NOSTRIN: variants seen among roughly 807,000 people sequenced by gnomAD.
NOSTRIN encodes the protein nitric oxide synthase trafficking.
NOSTRIN carries 63 observed loss-of-function variants against 59.0 expected under a neutral mutation model. The ratio of observed to expected loss-of-function variants is 1.07; its 90% confidence interval spans 0.87 to 1.32. The LOEUF is 1.32. Ranked by LOEUF, NOSTRIN falls within the 40% of genes most tolerant of loss-of-function variation. NOSTRIN has a pLI of 0.00. For missense variants in NOSTRIN, 512 were observed against 473.1 expected (o/e 1.08, Z -0.76); for synonymous variants, 200 against 165.4 (o/e 1.21, Z -1.61).
At chr2:168,844,995 T>A (rs1688328339) in intron 8 of NOSTRIN, among the ~76,000 whole-genome samples, 2 of 152,042 alleles carry the variant, frequency 1.3e-5, no homozygotes, top group Admixed American at 6.5e-5. Context: ...TCTCTTGCAA[T>A]TCAACCACTC....
At chr2:168,834,501 G>GCACATACACACACA (rs1425272036) in intron 7 of NOSTRIN, among the ~76,000 whole-genome samples, 176 bp downstream of exon 7, 1 of 110,682 alleles carries the variant, frequency 9.0e-6, no homozygotes, top group Non-Finnish European at 2.0e-5. Flanking sequence ...GCGCGCGCGC[G>GCACATACACACACA]CGCGCGCACA....
At chr2:168,851,020 T>G (rs763023201) in intron 8 of NOSTRIN, 64 bp from the exon 9 acceptor site, 2 of 978,514 alleles carry the variant, frequency 2.0e-6, no homozygotes, top group Non-Finnish European at 3.3e-6. Flanking sequence ...TGTCAGTGTT[T>G]GATGAGTGAC....
upstream of NOSTRIN, among the ~76,000 whole-genome samples, chr2:168,797,682 T>G (rs2105506763): frequency 6.6e-6 from 1 of 152,200 alleles, no homozygotes; most frequent in South Asian, 2.1e-4. Flanking sequence ...TTAAATTTTT[T>G]TTTTTTTTAA....
intron 10 of NOSTRIN, among the ~76,000 whole-genome samples, chr2:168,851,716 G>A (rs540965914): frequency 6.6e-6 from 1 of 152,302 alleles, no homozygotes; most frequent in East Asian, 1.9e-4. Context: ...ATCACGTGGT[G>A]CTTAAATTGG....
At position 168,838,880 on chromosome 2, in the gene NOSTRIN, C is replaced by A. The variant is rs151024220; in HGVS notation, c.505-4112C>A. Among the ~76,000 whole-genome samples the A allele has an allele frequency of 2.0e-5, 3 of 151,162 alleles. No individual in the cohort carries two copies. The East Asian group carries it at 5.9e-4, about 30-fold the overall frequency. ...TGGGCCGACTGCAACCTCTGCCTCC[C>A]AAGTTCAACAATTCTGCCTTAGCCT... On this transcript the variant is annotated intron_variant, in intron 7 of 15. Coordinates refer to ENST00000317647, the MANE Select transcript of NOSTRIN (RefSeq NM_001039724.4).
chr2:168,855,323 T>G, intron 10 of NOSTRIN, 29 bp from the exon 11 acceptor site: 1 of 1,215,090 alleles, frequency 8.2e-7, no homozygotes. Context: ...TTCTTCCCCC[T>G]TGTTAGACAT....
At chr2:168,793,972 G>A (rs750393305), upstream of NOSTRIN, among the ~76,000 whole-genome samples, 1 of 152,076 alleles carries the variant, frequency 6.6e-6, no homozygotes, top group Non-Finnish European at 1.5e-5. Context: ...ATACCTCTTT[G>A]TAATTCCCAT....
chr2:168,858,731 T>C (rs1050643885), intron 12 of NOSTRIN, among the ~76,000 whole-genome samples: 12 of 152,126 alleles, frequency 7.9e-5, no homozygotes, highest in Admixed American at 6.6e-4. Context: ...ATGTCTTCTG[T>C]CCATGGCTGT....
intron 1 of NOSTRIN, among the ~76,000 whole-genome samples, chr2:168,803,771 A>G (rs1385726050): frequency 6.6e-6 from 1 of 152,202 alleles, no homozygotes; most frequent in Non-Finnish European, 1.5e-5. Flanking sequence ...TTATATATAG[A>G]TTTTTAAGAG....
chr2:168,865,062 T>C lies in NOSTRIN; in HGVS notation c.*92T>C. 7.1e-7 allele frequency: 1 copy of C among 1,411,908 alleles called. No individual in the cohort carries two copies. Among genetic ancestry groups the C allele is most frequent in the Non-Finnish European group, 9.7e-7 (1 of 1,035,846 alleles). 87.5% of individuals were successfully genotyped at this position (1,411,908 alleles called of 1,614,324 possible). The stretch of plus-strand genomic sequence containing the variant: ...TAAAGTGCTCTTACCTTTACATGTT[T>C]TTCTTTTGAAATGGATGGAGTTCTA... On this transcript the variant is annotated 3_prime_UTR_variant, in exon 16 of 16. Coordinates refer to ENST00000317647, the MANE Select transcript of NOSTRIN (RefSeq NM_001039724.4).
chr2:168,822,608 A>G (rs1686808820), intron 2 of NOSTRIN, among the ~76,000 whole-genome samples: 1 of 152,230 alleles, frequency 6.6e-6, no homozygotes, highest in Non-Finnish European at 1.5e-5. Context: ...AAAAAGGAAA[A>G]CATAATATAA....
intron 1 of NOSTRIN, among the ~76,000 whole-genome samples, chr2:168,805,094 A>T (rs920942629): frequency 6.6e-6 from 1 of 152,220 alleles, no homozygotes; most frequent in South Asian, 2.1e-4. Context: ...TAAAAATGTT[A>T]TTCTGAATCA....
chr2:168,788,343 C>A (rs1287908852), intron 2 of NOSTRIN, among the ~76,000 whole-genome samples: 1 of 151,864 alleles, frequency 6.6e-6, no homozygotes, highest in African/African-American at 2.4e-5. Flanking sequence ...GTCCCTAAAC[C>A]TCAAATAGGA....
chr2:168,818,514 A>G (rs769329503), intron 2 of NOSTRIN, among the ~76,000 whole-genome samples: 1 of 152,198 alleles, frequency 6.6e-6, no homozygotes, highest in Non-Finnish European at 1.5e-5. Context: ...TTTGTTTTTT[A>G]AACTACTTTT....
chr2:168,798,813 C>A (rs28576793), upstream of NOSTRIN, among the ~76,000 whole-genome samples: 1,017 of 149,336 alleles, frequency 6.8e-3, 12 homozygotes, highest in African/African-American at 0.022. Context: ...ATCGATCGAT[C>A]GATAGATAGA....
At chr2:168,792,677 C>T (rs1459164080) in intron 2 of NOSTRIN, among the ~76,000 whole-genome samples, 8 of 151,966 alleles carry the variant, frequency 5.3e-5, no homozygotes, top group Non-Finnish European at 5.9e-5. Context: ...ACACAGTTTT[C>T]GCCATGTTGC....
At chr2:168,808,985 GTAT>G (rs1239903717) in intron 1 of NOSTRIN, among the ~76,000 whole-genome samples, 1 of 152,110 alleles carries the variant, frequency 6.6e-6, no homozygotes, top group Non-Finnish European at 1.5e-5. Context: ...TACATAATGT[GTAT>G]TATTATTTTC....
At chr2:168,848,787 G>A (rs1450937045) in intron 8 of NOSTRIN, among the ~76,000 whole-genome samples, 3 of 152,130 alleles carry the variant, frequency 2.0e-5, no homozygotes, top group Non-Finnish European at 4.4e-5. Context: ...GATGCAGAGC[G>A]TAGGAAATGA....
At chr2:168,853,247 G>A (rs527393) in intron 10 of NOSTRIN, among the ~76,000 whole-genome samples, 62,498 of 151,948 alleles carry the variant, frequency 0.41, 13,898 homozygotes, top group South Asian at 0.62. Context: ...GCACCCCAAT[G>A]TCTGACTTTA....
Sources: gnomAD v4.1 joint callset for allele counts (sites outside exome capture counted in the v4.1 genomes callset) on GRCh38, gnomAD v4.1.1 for gene constraint, MANE v1.5 for transcripts, NCBI Gene and HGNC (gene_info 2026-07-23, HGNC 2026-07-21) for gene names.